Variants in CSMD1 observed in about 807,000 individuals in gnomAD.
CSMD1 encodes CUB and sushi domain-containing protein 1.
CSMD1 carries 213 observed loss-of-function variants against 417.5 expected under a neutral mutation model. The ratio of observed to expected loss-of-function variants is 0.51; its 90% confidence interval spans 0.46 to 0.57. The LOEUF (loss-of-function observed/expected upper bound fraction) is 0.57. Ranked by LOEUF, CSMD1 falls within the 20% of genes least tolerant of loss-of-function variation. CSMD1 has a pLI of 0.00. For missense variants in CSMD1, 6,923 were observed against 4,529.7 expected, an observed-to-expected ratio of 1.53 and a Z score of -15.17; for synonymous variants, 2,862 against 1,736.8, an observed-to-expected ratio of 1.65 and a Z score of -16.11.
Position 3,905,556 on chromosome 8 carries a change from G to T in CSMD1, c.818+92347C>A, listed in dbSNP as rs184640770. On this transcript the variant is annotated intron_variant, in intron 5 of 69. Transcript: ENST00000635120. ...TCAGCATGCATTCCCATCTCACTGG[G>T]AGGGCTTGTGCAAACACAGATGGCT... Among the ~76,000 whole-genome samples the T allele has an allele frequency of 5.3e-5, 8 of 152,314 alleles. No individual in the cohort carries two copies. In the East Asian group the frequency reaches 1.5e-3, roughly 29 times the overall value.
intron 3 of CSMD1, among the ~76,000 whole-genome samples, chr8:4,141,328 C>A (rs887807549): frequency 2.0e-5 from 3 of 151,180 alleles, no homozygotes; most frequent in Admixed American, 1.3e-4. Context: ...GGAAATGAAG[C>A]TACTACTGTT....
At chr8:3,340,874 A>G (rs1194633951) in intron 23 of CSMD1, among the ~76,000 whole-genome samples, 1 of 152,190 alleles carries the variant, frequency 6.6e-6, no homozygotes, top group Admixed American at 6.5e-5. Context: ...GTGGAACAGA[A>G]AGGTGAAACA....
intron 5 of CSMD1, among the ~76,000 whole-genome samples, chr8:3,805,170 C>G (rs1216332493): frequency 1.3e-5 from 2 of 152,086 alleles, no homozygotes; most frequent in African/African-American, 4.8e-5. Context: ...TCAAAGAGAC[C>G]ACAATATTCC....
intron 3 of CSMD1, among the ~76,000 whole-genome samples, chr8:4,341,544 T>G (rs1454779177): frequency 1.3e-5 from 2 of 152,142 alleles, no homozygotes; most frequent in African/African-American, 2.4e-5. Context: ...GGAAACATTA[T>G]TTTTCCTACA....
rs73657888 is a variant in CSMD1, at chr8:3,419,229, G to A, written c.1562-9624C>T. On this transcript the variant is annotated intron_variant, in intron 12 of 69. Coordinates refer to ENST00000635120, the MANE Select transcript of CSMD1 (RefSeq NM_033225.6). ...CACCTAAGTGGTCATCCTCACAGAAGGATACTATCAGGCTTACAATCTGCA... is the reference window on the plus strand; with the variant it reads ...CACCTAAGTGGTCATCCTCACAGAAAGATACTATCAGGCTTACAATCTGCA... 3.9e-3 allele frequency among the ~76,000 whole-genome samples: 596 copies of A among 152,270 alleles called. 3 individuals are homozygous for A. The highest frequency in any genetic ancestry group is 0.013 in the African/African-American group (551 of 41,558).
At chr8:2,942,797 T>C (rs566597823) in intron 68 of CSMD1, among the ~76,000 whole-genome samples, 193 bp from the exon 69 acceptor site, 1 of 152,328 alleles carries the variant, frequency 6.6e-6, no homozygotes, top group East Asian at 1.9e-4. Flanking sequence ...ACTGACTATT[T>C]CCTACTAATA....
chr8:3,159,895 C>A (rs551027345), intron 38 of CSMD1, among the ~76,000 whole-genome samples: 3 of 152,164 alleles, frequency 2.0e-5, no homozygotes, highest in African/African-American at 7.2e-5. Context: ...TATAAAAGAA[C>A]GGCAACAGAA....
At position 4,645,444 on chromosome 8, in the gene CSMD1, C is replaced by CAAAAAAAAAAAAAAAAA. The variant is rs549511320; in HGVS notation, c.86-7903_86-7887dup. 1.4e-4 allele frequency among the ~76,000 whole-genome samples: 5 copies of CAAAAAAAAAAAAAAAAA among 36,854 alleles called. 1 individual carries two copies. Among genetic ancestry groups the CAAAAAAAAAAAAAAAAA allele is most frequent in the Non-Finnish European group, 1.9e-4 (4 of 21,432 alleles). The allele number at this position is 36,854 out of a possible 152,430, so 24.2% of individuals were successfully genotyped here. ...CAAGACAGCAGGTGTAGTGCAGGGG[C>CAAAAAAAAAAAAAAAAA]AAAAAAAAAAAAAAAAAAAAAAAGG... On this transcript the variant is annotated intron_variant, in intron 1 of 69. Transcript: ENST00000635120.
At chr8:4,080,100 C>G (rs947194192) in intron 3 of CSMD1, among the ~76,000 whole-genome samples, 1 of 151,804 alleles carries the variant, frequency 6.6e-6, no homozygotes, top group African/African-American at 2.4e-5. Context: ...GTTTGTGTTC[C>G]TCACTCGTTC....
Position 3,795,352 on chromosome 8 carries a change from ATATC to A in CSMD1, c.819-41314_819-41311del, listed in dbSNP as rs1206086435. 2.8e-4 allele frequency among the ~76,000 whole-genome samples: 14 copies of A among 50,338 alleles called. 7 individuals carry two copies. Among genetic ancestry groups the A allele is most frequent in the Non-Finnish European group, 5.0e-4 (12 of 24,198 alleles). The allele number at this position is 50,338 out of a possible 152,430, so 33.0% of individuals were successfully genotyped here. On this transcript the variant is annotated intron_variant, in intron 5 of 69. Coordinates refer to ENST00000635120, the MANE Select transcript of CSMD1 (RefSeq NM_033225.6). ...ATATCTATCATGTAGATATAGATATATATCTATCATGTATATAGATATATATCAT... is the reference window on the plus strand; with the variant it reads ...ATATCTATCATGTAGATATAGATATATATCATGTATATAGATATATATCAT...
At chr8:3,985,085 G>T (rs965584274) in intron 5 of CSMD1, among the ~76,000 whole-genome samples, 1 of 151,958 alleles carries the variant, frequency 6.6e-6, no homozygotes, top group Non-Finnish European at 1.5e-5. Context: ...TGGCTTTTAT[G>T]TTACTTAGGG....
intron 4 of CSMD1, among the ~76,000 whole-genome samples, chr8:4,029,234 G>GA (rs1797218578): frequency 6.6e-6 from 1 of 152,178 alleles, no homozygotes; most frequent in African/African-American, 2.4e-5. Context: ...CATGAAGACT[G>GA]AAAAACAGGA....
At chr8:3,706,722 A>G (rs17326685) in intron 7 of CSMD1, among the ~76,000 whole-genome samples, 81,805 of 151,734 alleles carry the variant, frequency 0.54, 22,322 homozygotes, top group Admixed American at 0.6. Flanking sequence ...GTGGTTCTAC[A>G]TTGAACTTTA....
intron 10 of CSMD1, among the ~76,000 whole-genome samples, chr8:3,526,057 A>T (rs1360232281): frequency 6.6e-6 from 1 of 152,194 alleles, no homozygotes; most frequent in South Asian, 2.1e-4. Flanking sequence ...GCCTGGGTAT[A>T]TGTAGCTTCA....
rs528320170 is a variant in CSMD1, at chr8:3,946,140, A to G, written c.818+51763T>C. On this transcript the variant is annotated intron_variant, in intron 5 of 69. Coordinates refer to ENST00000635120, the MANE Select transcript of CSMD1 (RefSeq NM_033225.6). ...ACTGATTCCATGCACATGATCTCAC[A>G]TAATCCCAATGCACCCTTTGAAATA... Among the ~76,000 whole-genome samples the G allele has an allele frequency of 7.9e-5, 12 of 152,250 alleles. 1 individual carries two copies. The South Asian group carries it at 2.3e-3, about 29-fold the overall frequency.
intron 5 of CSMD1, among the ~76,000 whole-genome samples, chr8:3,819,073 C>G (rs753222654): frequency 2.0e-5 from 3 of 152,174 alleles, no homozygotes; most frequent in Non-Finnish European, 4.4e-5. Flanking sequence ...GGCACAGCTT[C>G]ATAGCTTAAG....
At chr8:4,477,505 G>A (rs921662787) in intron 2 of CSMD1, among the ~76,000 whole-genome samples, 3 of 152,174 alleles carry the variant, frequency 2.0e-5, no homozygotes, top group East Asian at 1.9e-4. Flanking sequence ...GCAGCATTAC[G>A]TGAGTGGCCT....
At chr8:3,436,275 T>G (rs1814558920) in intron 12 of CSMD1, among the ~76,000 whole-genome samples, 1 of 152,200 alleles carries the variant, frequency 6.6e-6, no homozygotes, top group African/African-American at 2.4e-5. Flanking sequence ...AACGCGATAG[T>G]AAGATACATC....
chr8:4,245,378 C>T (rs994605581), intron 3 of CSMD1, among the ~76,000 whole-genome samples: 1 of 152,106 alleles, frequency 6.6e-6, no homozygotes, highest in Non-Finnish European at 1.5e-5. Context: ...CCCAGCCTGC[C>T]TTTTCTGACA....
Sources: gnomAD v4.1 joint callset for allele counts (sites outside exome capture counted in the v4.1 genomes callset) on GRCh38, gnomAD v4.1.1 for gene constraint, MANE v1.5 for transcripts, NCBI Gene and HGNC (gene_info 2026-07-23, HGNC 2026-07-21) for gene names.